The following ARMC3 variants were observed in gnomAD, a reference collection of about 807,000 sequenced individuals.
ARMC3 encodes the protein armadillo repeat-containing protein 3.
Under a neutral mutation model 90.3 loss-of-function variants are expected in ARMC3, and 74 were observed. The ratio of observed to expected loss-of-function variants is 0.82; its 90% CI spans 0.68 to 0.99. The LOEUF is 0.99. ARMC3 is among the 50% of genes least tolerant of loss of function. ARMC3 has a pLI of 0.00. For missense variants in ARMC3, 958 were observed against 1,042.8 expected (o/e 0.92, Z 1.12); for synonymous variants, 334 against 361.8 (o/e 0.92, Z 0.87).
rs544931224 is a variant in ARMC3 at position 23,024,391 on chromosome 10, CACAT to C, written c.2046-6203_2046-6200del. On this transcript the variant is annotated intron_variant, in intron 16 of 18. Coordinates refer to ENST00000298032, the MANE Select transcript of ARMC3 (RefSeq NM_173081.5). ...AAGGATTAGGAAGAAAGAGGAATGC[CACAT>C]AGATAGATAGATAGATAGATAGATA... is the stretch of plus-strand genomic sequence containing the variant. Among the ~76,000 whole-genome samples, 817 of 134,648 alleles carry C rather than the reference CACAT, an allele frequency of 6.1e-3. 11 individuals carry two copies. Among genetic ancestry groups the C allele is most frequent in the African/African-American group, 0.019 (694 of 36,988 alleles). 88.3% of individuals were successfully genotyped at this position (134,648 alleles called of 152,430 possible). A position where few individuals can be genotyped will look rare whatever the true frequency, so the allele number is the denominator to read the frequency against.
At chr10:22,946,047 C>G in intron 2 of ARMC3, 97 bp from the exon 3 acceptor site, 2 of 870,408 alleles carry the variant, frequency 2.3e-6, no homozygotes, top group Non-Finnish European at 3.5e-6. Context: ...ATCCTTTTTG[C>G]AAGATTACAT....
At chr10:23,031,637 G>A (rs1465266591) in intron 17 of ARMC3, among the ~76,000 whole-genome samples, 1 of 152,198 alleles carries the variant, frequency 6.6e-6, no homozygotes, top group African/African-American at 2.4e-5. Flanking sequence ...TCCTTGAGAA[G>A]TGATGGCTCA....
chr10:22,957,434 CTT>C (rs1334809477), intron 4 of ARMC3, among the ~76,000 whole-genome samples: 1 of 152,088 alleles, frequency 6.6e-6, no homozygotes, highest in East Asian at 1.9e-4. Context: ...AAGGCAGTGA[CTT>C]TGAGAGCTCT....
chr10:22,930,447 A>C (rs1223308583), intron 1 of ARMC3, among the ~76,000 whole-genome samples: 1 of 152,198 alleles, frequency 6.6e-6, no homozygotes, highest in African/African-American at 2.4e-5. Flanking sequence ...AAATTTCAAA[A>C]GTTTTTATGA....
chr10:22,937,601 G>A (rs1278464394), intron 2 of ARMC3, among the ~76,000 whole-genome samples: 4 of 152,050 alleles, frequency 2.6e-5, no homozygotes, highest in African/African-American at 9.7e-5. Flanking sequence ...TGGGATCTGT[G>A]GAAACTCCTC....
intron 16 of ARMC3, among the ~76,000 whole-genome samples, chr10:23,017,148 A>G (rs1838310205): frequency 6.6e-6 from 1 of 151,926 alleles, no homozygotes; most frequent in Non-Finnish European, 1.5e-5. Context: ...TTGCTTAGAG[A>G]TTTTATTAGA....
At chr10:22,983,582 T>C (rs1015804013) in intron 10 of ARMC3, among the ~76,000 whole-genome samples, 1 of 152,200 alleles carries the variant, frequency 6.6e-6, no homozygotes, top group South Asian at 2.1e-4. Flanking sequence ...AAATGGAACA[T>C]GAATGAAAGT....
Position 22,998,308 on chromosome 10 carries a change from A to T in ARMC3, c.1336A>T (p.Ser446Cys). Residue 446 changes from serine (S) to cysteine (C), a missense_variant, in exon 11 of 19, where the codon AGC (serine) becomes TGC (cysteine). Coordinates refer to ENST00000298032, the MANE Select transcript of ARMC3 (RefSeq NM_173081.5). ...TCACGACATCATGCATGCCATCATC[A>T]GCCCACTGCGTTCTGCAAACACAGT... ...QNHDIMHAII[S>C]PLRSANTVVQ... 1 of 1,613,132 alleles carries T rather than the reference A, an allele frequency of 6.2e-7. No individual in the cohort carries two copies. Among genetic ancestry groups the T allele is most frequent in the Non-Finnish European group, 8.5e-7 (1 of 1,179,550 alleles).
At chr10:23,024,432 A>AGATAGATT (rs1187069013) in intron 16 of ARMC3, among the ~76,000 whole-genome samples, 2 of 152,188 alleles carry the variant, frequency 1.3e-5, no homozygotes, top group Non-Finnish European at 2.9e-5. Context: ...ACAGATAGAT[A>AGATAGATT]GATACCTCCA....
intron 14 of ARMC3, among the ~76,000 whole-genome samples, 168 bp downstream of exon 14, chr10:23,007,149 ACCATGAAATAG>A (rs1837659747): frequency 6.6e-6 from 1 of 152,224 alleles, no homozygotes; most frequent in Non-Finnish European, 1.5e-5. Flanking sequence ...ACATGGAATA[ACCATGAAATAG>A]CCACCACTGC....
At chr10:23,024,424 A>AGATT (rs1564403208) in intron 16 of ARMC3, among the ~76,000 whole-genome samples, 4 of 58,716 alleles carry the variant, frequency 6.8e-5, no homozygotes, top group African/African-American at 1.5e-4. Flanking sequence ...ATAGATAGAC[A>AGATT]GATAGATAGA....
intron 3 of ARMC3, among the ~76,000 whole-genome samples, chr10:22,953,150 G>A (rs536652324): frequency 6.6e-6 from 1 of 152,150 alleles, no homozygotes; most frequent in Non-Finnish European, 1.5e-5. Flanking sequence ...GGACACAGAG[G>A]TCAGAAGGGC....
intron 16 of ARMC3, among the ~76,000 whole-genome samples, chr10:23,010,938 C>A (rs1295745679): frequency 8.3e-6 from 1 of 119,856 alleles, no homozygotes; most frequent in East Asian, 2.6e-4. Context: ...CCCCTTCCTT[C>A]CTTTCCCTTC....
At chr10:22,966,502 T>C (rs1835445877) in intron 7 of ARMC3, among the ~76,000 whole-genome samples, 1 of 152,210 alleles carries the variant, frequency 6.6e-6, no homozygotes, top group South Asian at 2.1e-4. Flanking sequence ...CTGGGCATAG[T>C]TTATACTCAG....
intron 1 of ARMC3, among the ~76,000 whole-genome samples, chr10:22,931,242 C>T (rs1211119099): frequency 6.6e-6 from 1 of 152,090 alleles, no homozygotes; most frequent in Non-Finnish European, 1.5e-5. Flanking sequence ...GTTCTTTGAA[C>T]CCAGGCTGGT....
At position 22,931,985 on chromosome 10, in the gene ARMC3, T is replaced by A; in HGVS notation, c.-1-11T>A. 1 of 1,603,928 alleles carries A rather than the reference T, an allele frequency of 6.2e-7. No homozygotes were observed. Among genetic ancestry groups the A allele is most frequent in the African/African-American group, 1.3e-5 (1 of 74,498 alleles). On this transcript the variant is annotated splice_polypyrimidine_tract_variant and intron_variant, in intron 1 of 18. Transcript: ENST00000298032. The stretch of plus-strand genomic sequence containing the variant: ...AATGTCACTTTAACCATATATTGCA[T>A]CTTTTTCCAGGATGGGTAAAAAGAT...
Position 22,977,990 on chromosome 10 carries a change from G to A in ARMC3, c.917-3350G>A, listed in dbSNP as rs139274630. Among the ~76,000 whole-genome samples, 410 of 152,228 alleles carry A rather than the reference G, an allele frequency of 2.7e-3. 6 individuals are homozygous for A. Among genetic ancestry groups the A allele is most frequent in the African/African-American group, 8.5e-3 (355 of 41,540 alleles). Reference sequence around the variant, plus strand: ...CACTTCTGACCAGAACACAATATTAGGGCAGAACCAACATCTTTGAGGCCA... The same window carrying A: ...CACTTCTGACCAGAACACAATATTAAGGCAGAACCAACATCTTTGAGGCCA... On this transcript the variant is annotated intron_variant, in intron 8 of 18. Coordinates refer to ENST00000298032, the MANE Select transcript of ARMC3 (RefSeq NM_173081.5).
chr10:22,973,883 CTAG>C (rs895120185), intron 8 of ARMC3, among the ~76,000 whole-genome samples: 4 of 151,308 alleles, frequency 2.6e-5, no homozygotes, highest in African/African-American at 9.7e-5. Context: ...CTCAGCCTCC[CTAG>C]TAGCTGGGTC....
chr10:22,984,692 G>T (rs1836336793), intron 10 of ARMC3, among the ~76,000 whole-genome samples: 1 of 152,106 alleles, frequency 6.6e-6, no homozygotes, highest in Non-Finnish European at 1.5e-5. Flanking sequence ...CAACTTTATT[G>T]AAGTAATCTG....
Sources: allele counts gnomAD v4.1 joint callset (sites outside exome capture counted in the v4.1 genomes callset), GRCh38; gene constraint gnomAD v4.1.1; transcripts MANE v1.5; gene names NCBI Gene and HGNC (gene_info 2026-07-23, HGNC 2026-07-21).